Variants in SCNN1B observed in about 807,000 individuals in gnomAD.
SCNN1B encodes the protein sodium channel epithelial 1 subunit beta.
A neutral mutation model predicts 65.3 loss-of-function variants in SCNN1B; 46 were observed. The observed-to-expected ratio is 0.70, with a 90% CI of 0.56 to 0.90. The LOEUF (loss-of-function observed/expected upper bound fraction) is 0.90. SCNN1B is among the 40% of genes least tolerant of loss of function. SCNN1B has a pLI of 0.00. For synonymous variants in SCNN1B, 349 were observed against 330.6 expected, an observed-to-expected ratio of 1.06 and a Z score of -0.60; for missense variants, 751 against 830.5, an observed-to-expected ratio of 0.90 and a Z score of 1.18.
intron 1 of SCNN1B, among the ~76,000 whole-genome samples, chr16:23,326,061 C>A (rs908194843): frequency 2.6e-5 from 4 of 151,902 alleles, no homozygotes; most frequent in African/African-American, 9.7e-5. Context: ...GGCAACAGAG[C>A]AAGACCTTGT....
intron 1 of SCNN1B, chr16:23,303,835 C>T: frequency 1.8e-6 from 1 of 571,156 alleles, no homozygotes; most frequent in Non-Finnish European, 3.1e-6. Context: ...AGGTGGATCG[C>T]TTGAACCCAG....
At chr16:23,356,129 A>G (rs1408121294) in intron 4 of SCNN1B, among the ~76,000 whole-genome samples, 1 of 152,122 alleles carries the variant, frequency 6.6e-6, no homozygotes, top group Non-Finnish European at 1.5e-5. Flanking sequence ...CATTCCCAAC[A>G]GGTTGATGAG....
At position 23,380,330 on chromosome 16, in the gene SCNN1B, C is replaced by T. The variant is rs112637015; in HGVS notation, c.1543-91C>T. Reference sequence around the variant, plus strand: ...CAAGATGGTCACCCCCTCCCGTTCCCACCCAAGAATCACCTCCCAGGAAGC... The same window carrying T: ...CAAGATGGTCACCCCCTCCCGTTCCTACCCAAGAATCACCTCCCAGGAAGC... On this transcript the variant is annotated intron_variant, in intron 12 of 12. Coordinates refer to ENST00000343070, the MANE Select transcript of SCNN1B (RefSeq NM_000336.3). This position sits in a 1 kb window ranked among gnomAD's most constrained non-coding sequence, Gnocchi z 5.4. 1.8e-4 allele frequency: 289 copies of T among 1,601,436 alleles called. No individual in the cohort carries two copies. Among genetic ancestry groups the T allele is most frequent in the Non-Finnish European group, 2.3e-4 (267 of 1,170,762 alleles).
intron 7 of SCNN1B, among the ~76,000 whole-genome samples, chr16:23,374,632 GCTC>G (rs1460729700): frequency 6.6e-6 from 1 of 150,838 alleles, no homozygotes; most frequent in East Asian, 1.9e-4. Flanking sequence ...CCGAGCTCTG[GCTC>G]CTCCTGGCCA....
intron 1 of SCNN1B, among the ~76,000 whole-genome samples, chr16:23,307,930 A>T (rs1438845915): frequency 1.3e-5 from 2 of 152,238 alleles, no homozygotes; most frequent in Non-Finnish European, 2.9e-5. Flanking sequence ...CCGTAGTCCC[A>T]GCTACTTGGG....
chr16:23,340,014 C>T (rs1962022777), intron 1 of SCNN1B, among the ~76,000 whole-genome samples: 2 of 151,828 alleles, frequency 1.3e-5, no homozygotes, highest in African/African-American at 2.4e-5. Context: ...AGTGATAGCT[C>T]ATTGTGGGTG....
At chr16:23,360,108 T>C (rs1567311252) in intron 4 of SCNN1B, among the ~76,000 whole-genome samples, 1 of 150,488 alleles carries the variant, frequency 6.6e-6, no homozygotes, top group South Asian at 2.1e-4. Context: ...GAGGCTGAGG[T>C]AGGAGGCTGA....
At chr16:23,305,383 T>C (rs1435561703) in intron 1 of SCNN1B, among the ~76,000 whole-genome samples, 1 of 150,940 alleles carries the variant, frequency 6.6e-6, no homozygotes, top group Admixed American at 6.7e-5. Context: ...CCAGGCATGG[T>C]GGTTCACACC....
intron 1 of SCNN1B, among the ~76,000 whole-genome samples, chr16:23,326,182 A>G (rs1305976913): frequency 2.0e-5 from 3 of 151,458 alleles, no homozygotes; most frequent in Non-Finnish European, 4.4e-5. Context: ...TTTTTCATAT[A>G]CTTAGAATCC....
chr16:23,316,350 C>T (rs1289867874), intron 1 of SCNN1B, among the ~76,000 whole-genome samples: 1 of 146,540 alleles, frequency 6.8e-6, no homozygotes, highest in South Asian at 2.2e-4. Context: ...ATCGCCGTCA[C>T]CATCTCCTCC....
rs562917463 is a variant in SCNN1B, at chr16:23,357,929, C to T, written c.776+2440C>T. ...CACAAGCACATTCATCTCACCCGCT[C>T]AGCTGAAAGAGAGCTGTAACACTGC... On this transcript the variant is annotated intron_variant, in intron 4 of 12. Transcript: ENST00000343070. Among the ~76,000 whole-genome samples, 7 of 152,368 alleles carry T rather than the reference C, an allele frequency of 4.6e-5. No individual in the cohort carries two copies. In the East Asian group the frequency reaches 1.4e-3, roughly 29 times the overall value.
chr16:23,301,872 C>A (rs34643114), upstream of SCNN1B, among the ~76,000 whole-genome samples: 63 of 152,270 alleles, frequency 4.1e-4, no homozygotes, highest in Non-Finnish European at 8.1e-4. Context: ...AAGTCACCAA[C>A]TTGCCCAGAG....
At chr16:23,308,634 T>C (rs1961271825) in intron 1 of SCNN1B, among the ~76,000 whole-genome samples, 1 of 152,172 alleles carries the variant, frequency 6.6e-6, no homozygotes, top group African/African-American at 2.4e-5. Flanking sequence ...TCTTATCTTA[T>C]CTTATTTGTT....
At chr16:23,326,150 CTA>C (rs919848641) in intron 1 of SCNN1B, among the ~76,000 whole-genome samples, 14 of 150,118 alleles carry the variant, frequency 9.3e-5, no homozygotes, top group African/African-American at 3.4e-4. Flanking sequence ...TTCCCTACAA[CTA>C]TCTTTGCCTA....
chr16:23,376,461 G>T (rs936074051), intron 8 of SCNN1B, among the ~76,000 whole-genome samples: 1 of 152,062 alleles, frequency 6.6e-6, no homozygotes. Context: ...TCTGCAAGGC[G>T]CTGGGTGGAA....
At chr16:23,340,916 G>T (rs1962042053) in intron 1 of SCNN1B, among the ~76,000 whole-genome samples, 1 of 150,278 alleles carries the variant, frequency 6.7e-6, no homozygotes. Context: ...GTGTGTGTGT[G>T]CATGTGTACA....
At chr16:23,371,551 G>A in intron 6 of SCNN1B, 89 bp downstream of exon 6, 2 of 1,364,586 alleles carry the variant, frequency 1.5e-6, no homozygotes, top group South Asian at 1.2e-5. Flanking sequence ...TGGGAGGAGG[G>A]GATCTGGGCC....
chr16:23,373,744 C>T (rs987831368), intron 7 of SCNN1B, among the ~76,000 whole-genome samples: 2 of 152,176 alleles, frequency 1.3e-5, no homozygotes, highest in Non-Finnish European at 2.9e-5. Flanking sequence ...ACCTGCCCAC[C>T]CATTGCCTGG....
chr16:23,281,146 A>C (rs1960778161), intron 1 of SCNN1B, among the ~76,000 whole-genome samples: 1 of 152,164 alleles, frequency 6.6e-6, no homozygotes, highest in Non-Finnish European at 1.5e-5. Flanking sequence ...GATTTTTATT[A>C]AGATTAAATA....
Sources: allele counts gnomAD v4.1 joint callset (sites outside exome capture counted in the v4.1 genomes callset), GRCh38; gene constraint gnomAD v4.1.1; non-coding constraint Gnocchi (gnomAD v3.1); transcripts MANE v1.5; gene names NCBI Gene and HGNC (gene_info 2026-07-23, HGNC 2026-07-21).